XPO1: variants seen among roughly 807,000 people sequenced by gnomAD.
XPO1 encodes the protein exportin-1.
XPO1 carries 5 observed loss-of-function variants against 133.3 expected under a neutral mutation model. The observed-to-expected ratio is 0.04, with a 90% CI of 0.02 to 0.08. The LOEUF (loss-of-function observed/expected upper bound fraction) is 0.08, where lower values mean the gene tolerates loss of function less well. Among genes scored for constraint, XPO1 ranks in the 10% least tolerant of loss-of-function variants. The pLI, the probability that XPO1 is intolerant of heterozygous loss-of-function variation, is 1.00. For missense variants in XPO1, 506 were observed against 1,267.5 expected (o/e 0.40, Z 9.12); for synonymous variants, 419 against 408.2 (o/e 1.03, Z -0.32).
chr2:61,533,535 A>G (rs1402539127), intron 2 of XPO1, among the ~76,000 whole-genome samples: 5 of 152,222 alleles, frequency 3.3e-5, no homozygotes, highest in African/African-American at 1.2e-4. Flanking sequence ...AAAGTATTTA[A>G]TAACATTTGG....
At chr2:61,501,730 A>C (rs1697533418) in intron 6 of XPO1, among the ~76,000 whole-genome samples, 1 of 137,020 alleles carries the variant, frequency 7.3e-6, no homozygotes, top group Non-Finnish European at 1.5e-5. Flanking sequence ...CCAAAAAAAA[A>C]AAAAAAAGAA....
chr2:61,488,033 A>T, intron 19 of XPO1, 132 bp downstream of exon 19: 1 of 754,520 alleles, frequency 1.3e-6, no homozygotes, highest in Non-Finnish European at 2.2e-6. Flanking sequence ...GGACTACAAT[A>T]AATAAAATGC....
intron 19 of XPO1, among the ~76,000 whole-genome samples, chr2:61,486,811 C>T (rs755245820): frequency 6.6e-6 from 1 of 151,930 alleles, no homozygotes; most frequent in Non-Finnish European, 1.5e-5. Flanking sequence ...CTATGGATTT[C>T]TATTATTTTT....
At position 61,525,709 on chromosome 2, in the gene XPO1, G is replaced by C. The variant is rs1389605949; in HGVS notation, c.228+711C>G. 2.9e-6 allele frequency: 3 copies of C among 1,026,914 alleles called. No homozygotes were observed. The South Asian group carries it at 1.4e-4, about 47-fold the overall frequency. 63.6% of individuals were successfully genotyped at this position (1,026,914 alleles called of 1,614,324 possible). On this transcript the variant is annotated intron_variant, in intron 3 of 24. Transcript: ENST00000401558. ...TGTATTTTTGACCTAAAATTTACAA[G>C]ATGTCAAAACTAATTAATATTTTAA...
Position 61,502,288 on chromosome 2 carries a change from G to A in XPO1, c.324C>T (p.Gly108=). 1.2e-6 allele frequency: 2 copies of A among 1,613,258 alleles called. No homozygotes were observed. Among genetic ancestry groups the A allele is most frequent in the South Asian group, 1.1e-5 (1 of 90,830 alleles). The change falls in exon 5 of 25, where the codon GGC becomes GGT. Residue 108 remains glycine (G), a synonymous_variant. Coordinates refer to ENST00000401558, the MANE Select transcript of XPO1 (RefSeq NM_003400.4). Reference sequence around the variant, plus strand: ...GGTCAGATGACGTCTTGATAATGAGGCCAACAACGTATTTTTTTATTCCTA... The same window carrying A: ...GGTCAGATGACGTCTTGATAATGAGACCAACAACGTATTTTTTTATTCCTA... ...QCEGIKKYVV[G]LIIKTSSDPT...
chr2:61,493,143 A>T (rs1697073277), intron 12 of XPO1, 90 bp from the exon 13 acceptor site: 1 of 1,330,006 alleles, frequency 7.5e-7, no homozygotes, highest in Non-Finnish European at 1.0e-6. Context: ...AACAAAACCA[A>T]AAAAACCACA....
intron 4 of XPO1, among the ~76,000 whole-genome samples, chr2:61,518,136 A>G (rs1573198355): frequency 6.6e-6 from 1 of 151,438 alleles, no homozygotes; most frequent in African/African-American, 2.4e-5. Context: ...TCTCACAAAA[A>G]AAAAAGAAAA....
intron 2 of XPO1, among the ~76,000 whole-genome samples, chr2:61,527,337 A>C (rs1698948223): frequency 6.7e-6 from 1 of 149,640 alleles, no homozygotes; most frequent in Non-Finnish European, 1.5e-5. Flanking sequence ...AAAAAAAAAA[A>C]GAAAGCTGCA....
intron 1 of XPO1, 21 bp from the exon 2 acceptor site, chr2:61,533,924 T>A (rs374973651): frequency 2.8e-5 from 42 of 1,506,296 alleles, no homozygotes; most frequent in African/African-American, 2.6e-4. Context: ...AGAAAAAAAA[T>A]TGAAGCTGCC....
At chr2:61,479,038 A>G in intron 24 of XPO1, 72 bp from the exon 25 acceptor site, 1 of 1,546,046 alleles carries the variant, frequency 6.5e-7, no homozygotes, top group African/African-American at 1.4e-5. Flanking sequence ...ATAGATGAGC[A>G]ATTTCCTTTT....
chr2:61,523,202 C>G (rs1297574697), intron 3 of XPO1, among the ~76,000 whole-genome samples: 1 of 152,184 alleles, frequency 6.6e-6, no homozygotes, highest in Admixed American at 6.5e-5. Context: ...ACTTAAGGAG[C>G]AGCAAGACAA....
chr2:61,489,696 C>A (rs965423794), intron 17 of XPO1, among the ~76,000 whole-genome samples: 1 of 150,326 alleles, frequency 6.7e-6, no homozygotes, highest in African/African-American at 2.4e-5. Flanking sequence ...CTGGGACTTA[C>A]AGGCGCCCGC....
chr2:61,487,855 T>C (rs1696773610), intron 19 of XPO1, among the ~76,000 whole-genome samples: 1 of 152,158 alleles, frequency 6.6e-6, no homozygotes, highest in Admixed American at 6.5e-5. Flanking sequence ...TCAAGAGGAA[T>C]GCAAAAACTG....
At position 61,498,913 on chromosome 2, in the gene XPO1, G is replaced by A. The variant is rs774397117; in HGVS notation, c.591C>T (p.Ser197=). 1.6e-5 allele frequency: 25 copies of A among 1,579,904 alleles called. No homozygotes were observed. Among genetic ancestry groups the A allele is most frequent in the Non-Finnish European group, 2.0e-5 (23 of 1,165,822 alleles). The change falls in exon 8 of 25, where the codon AGC becomes AGT. Residue 197 remains serine, a splice_region_variant and synonymous_variant. Coordinates refer to ENST00000401558, the MANE Select transcript of XPO1 (RefSeq NM_003400.4). ...ATATCTGTGAGAATTCATTGCACAT[G>A]CTAAAAAAAAAAACACACAAAAATA... ...TQVKSKHLKD[S]MCNEFSQIFQ... is the part of the protein sequence containing the mutation.
intron 3 of XPO1, chr2:61,525,948 G>A: frequency 9.5e-7 from 1 of 1,054,052 alleles, no homozygotes; most frequent in Non-Finnish European, 1.1e-6. Flanking sequence ...ACTTAAAAAA[G>A]GACCAGAATT....
intron 3 of XPO1, chr2:61,525,196 T>C (rs1698864529): frequency 1.1e-6 from 1 of 884,950 alleles, no homozygotes; most frequent in South Asian, 5.2e-5. Context: ...GAATTCCCCT[T>C]TCCCCTCCCA....
At chr2:61,486,391 C>A (rs3821222) in intron 19 of XPO1, among the ~76,000 whole-genome samples, 41 of 151,978 alleles carry the variant, frequency 2.7e-4, no homozygotes, top group Admixed American at 2.3e-3. Flanking sequence ...GTGTCTCCAA[C>A]TTAGGTGGCA....
chr2:61,481,064 CG>C lies in XPO1; in HGVS notation c.3069+120del, dbSNP rs1696325418. 2.3e-5 allele frequency: 13 copies of C among 574,724 alleles called. No homozygotes were observed. In the South Asian group the frequency reaches 3.6e-4, roughly 16 times the overall value. 35.6% of individuals were successfully genotyped at this position (574,724 alleles called of 1,614,324 possible). Reference sequence around the variant, plus strand: ...TTTTTGATTACAGAGATTGTGTAAACGTATTATCTTGAAACCCCATTTATTT... The same window carrying C: ...TTTTTGATTACAGAGATTGTGTAAACTATTATCTTGAAACCCCATTTATTT... On this transcript the variant is annotated intron_variant, in intron 24 of 24. Coordinates refer to ENST00000401558, the MANE Select transcript of XPO1 (RefSeq NM_003400.4).
chr2:61,484,639 T>C (rs1474650825), intron 20 of XPO1: 1 of 152,886 alleles, frequency 6.5e-6, no homozygotes, highest in Admixed American at 6.5e-5. Context: ...CAGCTAATTT[T>C]TTTTCTTTAG....
Sources: allele counts gnomAD v4.1 joint callset (sites outside exome capture counted in the v4.1 genomes callset), GRCh38; gene constraint gnomAD v4.1.1; transcripts MANE v1.5; gene names NCBI Gene and HGNC (gene_info 2026-07-23, HGNC 2026-07-21).